SCAI: variants seen among roughly 807,000 people sequenced by gnomAD.
SCAI encodes suppressor of cancer cell invasion, also known as protein SCAI.
A neutral mutation model predicts 92.2 loss-of-function variants in SCAI; 24 were observed. That is an observed-to-expected ratio of 0.26 (90% confidence interval 0.19 to 0.37). The LOEUF (loss-of-function observed/expected upper bound fraction) is 0.37, where lower values mean the gene tolerates loss of function less well. Among genes scored for constraint, SCAI ranks in the 10% least tolerant of loss-of-function variants. The pLI, the probability that SCAI is intolerant of heterozygous loss-of-function variation, is 1.00. For missense variants in SCAI, 450 were observed against 736.2 expected, an observed-to-expected ratio of 0.61 and a Z score of 4.50; for synonymous variants, 261 against 258.6, an observed-to-expected ratio of 1.01 and a Z score of -0.09.
Position 125,075,953 on chromosome 9 carries a change from C to T in SCAI, c.99-19946G>A, listed in dbSNP as rs1362592969. Among the ~76,000 whole-genome samples the T allele has an allele frequency of 3.3e-5, 5 of 152,154 alleles. No homozygotes were observed. The East Asian group carries it at 9.7e-4, about 29-fold the overall frequency. On this transcript the variant is annotated intron_variant, in intron 2 of 17. Transcript: ENST00000336505. ...CCTCAAGCAATCCACTCTCATCGGCCTCCCAAAGTGCTGGGATTGCAGGTG... is the reference window on the plus strand; with the variant it reads ...CCTCAAGCAATCCACTCTCATCGGCTTCCCAAAGTGCTGGGATTGCAGGTG...
At chr9:125,097,231 G>A (rs933146755) in intron 2 of SCAI, among the ~76,000 whole-genome samples, 1 of 152,156 alleles carries the variant, frequency 6.6e-6, no homozygotes, top group Non-Finnish European at 1.5e-5. Flanking sequence ...TCAGAAGTTT[G>A]ACACCAGCCT....
intron 2 of SCAI, among the ~76,000 whole-genome samples, chr9:125,100,634 C>T (rs1394908269): frequency 6.6e-6 from 1 of 152,106 alleles, no homozygotes; most frequent in Non-Finnish European, 1.5e-5. Context: ...AAATAAGTTA[C>T]CTCTAGTAGG....
intron 2 of SCAI, among the ~76,000 whole-genome samples, chr9:125,130,936 C>CCTTTTTT (rs1554718667): frequency 1.3e-5 from 1 of 77,274 alleles, no homozygotes; most frequent in Non-Finnish European, 2.6e-5. Flanking sequence ...GTTTGAACCG[C>CCTTTTTT]TTTTTTTTTT....
intron 2 of SCAI, among the ~76,000 whole-genome samples, chr9:125,137,897 T>G (rs889750259): frequency 6.6e-6 from 1 of 152,126 alleles, no homozygotes; most frequent in Non-Finnish European, 1.5e-5. Flanking sequence ...CCACCACGCT[T>G]GGCCAAGAAG....
At chr9:125,077,710 C>CATTTATTT (rs112822474) in intron 2 of SCAI, among the ~76,000 whole-genome samples, 42 of 151,360 alleles carry the variant, frequency 2.8e-4, no homozygotes, top group East Asian at 5.8e-4. Context: ...AGATACTTGA[C>CATTTATTT]ATTTATTTAT....
rs929091783 is a variant in SCAI at position 124,947,649 on chromosome 9, T to C, written c.*5158A>G. ...ATATATTTACAAATATGTATACATA[T>C]ATACAAAAAGTATACACAGAGATTG... is the stretch of plus-strand genomic sequence containing the variant. On this transcript the variant is annotated 3_prime_UTR_variant, in exon 18 of 18. Coordinates refer to ENST00000336505, the MANE Select transcript of SCAI (RefSeq NM_001144877.3). 2.0e-5 allele frequency: 3 copies of C among 152,166 alleles called. No homozygotes were observed. Among genetic ancestry groups the C allele is most frequent in the Non-Finnish European group, 4.4e-5 (3 of 68,026 alleles). The allele number at this position is 152,166 out of a possible 1,614,324, so 9.4% of individuals were successfully genotyped here.
intron 2 of SCAI, among the ~76,000 whole-genome samples, chr9:125,079,772 A>T (rs7042973): frequency 0.023 from 3,521 of 152,052 alleles, 143 homozygotes; most frequent in African/African-American, 0.081. Context: ...TAAAAAAAAA[A>T]ACTGGTATTT....
intron 6 of SCAI, among the ~76,000 whole-genome samples, chr9:125,023,312 G>C (rs1355906365): frequency 1.3e-5 from 2 of 152,146 alleles, no homozygotes. Context: ...ATGAACTAGG[G>C]ACTTCCTTAC....
intron 2 of SCAI, among the ~76,000 whole-genome samples, chr9:125,137,053 G>A (rs77019497): frequency 0.016 from 2,381 of 152,180 alleles, 25 homozygotes; most frequent in Middle Eastern, 0.061. Context: ...CACCGCGCCC[G>A]GCCTAACACC....
At chr9:124,985,742 C>G (rs1564366990) in intron 14 of SCAI, among the ~76,000 whole-genome samples, 2 of 151,926 alleles carry the variant, frequency 1.3e-5, no homozygotes, top group Non-Finnish European at 2.9e-5. Flanking sequence ...TGGCACATGC[C>G]TGTAATCCTA....
At chr9:124,967,680 C>A (rs1280213431) in intron 17 of SCAI, among the ~76,000 whole-genome samples, 1 of 152,018 alleles carries the variant, frequency 6.6e-6, no homozygotes, top group African/African-American at 2.4e-5. Flanking sequence ...CACACACACA[C>A]GTGAATATGT....
rs1831114729 is a variant in SCAI, at chr9:124,944,675, A to C, written c.*8132T>G. The stretch of plus-strand genomic sequence containing the variant: ...AGCATGCTTCTTTAAGGGTGGAAAT[A>C]AGCTTTTTAAAAATACAGTGGTTAT... On this transcript the variant is annotated 3_prime_UTR_variant, in exon 18 of 18. Coordinates refer to ENST00000336505, the MANE Select transcript of SCAI (RefSeq NM_001144877.3). The C allele has an allele frequency of 6.6e-6, 1 of 152,132 alleles. No homozygotes were observed. The highest frequency in any genetic ancestry group is 2.1e-4 in the South Asian group (1 of 4,818). The allele number at this position is 152,132 out of a possible 1,614,324, so 9.4% of individuals were successfully genotyped here. A position where few individuals can be genotyped will look rare whatever the true frequency, so the allele number is the denominator to read the frequency against.
In SCAI at chr9:125,032,195, A is replaced by ATATATATATT. The variant is rs1177865840; in HGVS notation, c.231-2457_231-2456insAATATATATA. Among the ~76,000 whole-genome samples, 155 of 99,404 alleles carry ATATATATATT rather than the reference A, an allele frequency of 1.6e-3. 1 individual carries two copies. Among genetic ancestry groups the ATATATATATT allele is most frequent in the African/African-American group, 2.9e-3 (60 of 21,002 alleles). The allele number at this position is 99,404 out of a possible 152,430, so 65.2% of individuals were successfully genotyped here. A position where few individuals can be genotyped will look rare whatever the true frequency, so the allele number is the denominator to read the frequency against. ...AATATATATATATATATATATATAT[A>ATATATATATT]TTTTTTTTTTTTTTTGAGATGGAGT... On this transcript the variant is annotated intron_variant, in intron 3 of 17. Transcript: ENST00000336505.
At chr9:125,103,810 C>T (rs1834725237) in intron 2 of SCAI, among the ~76,000 whole-genome samples, 1 of 152,192 alleles carries the variant, frequency 6.6e-6, no homozygotes, top group Non-Finnish European at 1.5e-5. Flanking sequence ...ACTATACACT[C>T]TTGGCCTCTG....
intron 14 of SCAI, among the ~76,000 whole-genome samples, chr9:124,989,972 C>G (rs537971214): frequency 1.4e-5 from 2 of 145,442 alleles, no homozygotes; most frequent in African/African-American, 5.1e-5. Context: ...CTCAGGAGTT[C>G]GAGACCAGCC....
intron 9 of SCAI, among the ~76,000 whole-genome samples, chr9:125,005,579 C>T (rs1401934120): frequency 6.6e-6 from 1 of 152,198 alleles, no homozygotes; most frequent in African/African-American, 2.4e-5. Flanking sequence ...GACCCACCTG[C>T]CTCGGCCTCC....
intron 17 of SCAI, among the ~76,000 whole-genome samples, chr9:124,965,427 G>C (rs1452338490): frequency 6.6e-6 from 1 of 152,036 alleles, no homozygotes; most frequent in African/African-American, 2.4e-5. Flanking sequence ...AGAGACGAGG[G>C]TTTCACCATA....
intron 2 of SCAI, among the ~76,000 whole-genome samples, chr9:125,089,954 G>C (rs932829515): frequency 1.3e-5 from 2 of 152,056 alleles, no homozygotes; most frequent in African/African-American, 4.8e-5. Flanking sequence ...CTACAATAAG[G>C]AACTAATGAG....
rs140572396 is a variant in SCAI, at chr9:125,088,510, A to G, written c.99-32503T>C. Reference sequence around the variant, plus strand: ...TGCCTTTCTCCAGGATTGTTTCCTGAGGCCTACTCAGCCATGATTCCTGTA... The same window carrying G: ...TGCCTTTCTCCAGGATTGTTTCCTGGGGCCTACTCAGCCATGATTCCTGTA... On this transcript the variant is annotated intron_variant, in intron 2 of 17. Transcript: ENST00000336505. Among the ~76,000 whole-genome samples the G allele has an allele frequency of 5.3e-3, 813 of 152,296 alleles. 6 individuals are homozygous for G. Among genetic ancestry groups the G allele is most frequent in the Middle Eastern group, 0.014 (4 of 294 alleles).
Sources: allele counts gnomAD v4.1 joint callset (sites outside exome capture counted in the v4.1 genomes callset), GRCh38; gene constraint gnomAD v4.1.1; transcripts MANE v1.5; gene names NCBI Gene and HGNC (gene_info 2026-07-23, HGNC 2026-07-21).